The following PRKN variants were observed in gnomAD, a reference collection of about 807,000 sequenced individuals.
PRKN encodes the protein E3 ubiquitin-protein ligase parkin.
PRKN carries 56 observed loss-of-function variants against 59.5 expected under a neutral mutation model. That is an observed-to-expected ratio of 0.94 (90% CI 0.76 to 1.18). PRKN has a LOEUF of 1.18. PRKN is among the 50% of genes most tolerant of loss of function. The pLI, the probability that PRKN is intolerant of heterozygous loss-of-function variation, is 0.00. For missense variants in PRKN, 657 were observed against 596.4 expected (o/e 1.10, Z -1.06); for synonymous variants, 250 against 222.1 (o/e 1.13, Z -1.12).
intron 7 of PRKN, among the ~76,000 whole-genome samples, chr6:161,608,124 T>C (rs1583285947): frequency 1.3e-5 from 2 of 152,318 alleles, no homozygotes; most frequent in Non-Finnish European, 1.5e-5. Flanking sequence ...TGGAGGGTCC[T>C]GACAGCCTCA....
chr6:162,509,821 G>A (rs1016263146), intron 1 of PRKN, among the ~76,000 whole-genome samples: 1 of 152,110 alleles, frequency 6.6e-6, no homozygotes, highest in African/African-American at 2.4e-5. Context: ...GAATTTGAAA[G>A]GCAATTCCCA....
chr6:161,485,684 T>C (rs1356519867), intron 9 of PRKN, among the ~76,000 whole-genome samples: 3 of 152,040 alleles, frequency 2.0e-5, no homozygotes, highest in Non-Finnish European at 4.4e-5. Flanking sequence ...TTGGACAGAT[T>C]CACTTGAGAG....
chr6:162,037,440 T>TACAC (rs1271106462), intron 5 of PRKN, among the ~76,000 whole-genome samples: 1 of 151,396 alleles, frequency 6.6e-6, no homozygotes, highest in South Asian at 2.1e-4. Flanking sequence ...TTTTCATGTG[T>TACAC]ACACACACAC....
At chr6:162,159,710 A>G (rs1354100943) in intron 4 of PRKN, among the ~76,000 whole-genome samples, 2 of 152,238 alleles carry the variant, frequency 1.3e-5, no homozygotes, top group Non-Finnish European at 2.9e-5. Flanking sequence ...GAGTTTTATT[A>G]TAAGTTACAG....
intron 1 of PRKN, among the ~76,000 whole-genome samples, chr6:162,671,010 T>C (rs1048828640): frequency 1.3e-5 from 2 of 152,186 alleles, no homozygotes; most frequent in African/African-American, 4.8e-5. Context: ...CTCTGGAATA[T>C]ATAAAATGGC....
chr6:162,108,597 T>C (rs1780290777), intron 4 of PRKN, among the ~76,000 whole-genome samples: 1 of 152,124 alleles, frequency 6.6e-6, no homozygotes, highest in Non-Finnish European at 1.5e-5. Flanking sequence ...AACTACCATA[T>C]ATGTAATATT....
intron 5 of PRKN, among the ~76,000 whole-genome samples, chr6:162,016,392 T>C (rs1245442290): frequency 2.6e-5 from 4 of 152,214 alleles, no homozygotes; most frequent in Non-Finnish European, 5.9e-5. Flanking sequence ...GGACAAAATA[T>C]CCTCTTTGAA....
At chr6:161,643,735 A>T (rs535092227) in intron 7 of PRKN, among the ~76,000 whole-genome samples, 28 of 152,326 alleles carry the variant, frequency 1.8e-4, no homozygotes, top group Non-Finnish European at 3.2e-4. Context: ...TGAGTTTTAT[A>T]CCATCTATTC....
chr6:162,477,590 CT>C (rs1792084092), intron 1 of PRKN, among the ~76,000 whole-genome samples: 1 of 152,188 alleles, frequency 6.6e-6, no homozygotes. Flanking sequence ...GATGCAAAGT[CT>C]TCAGGTGTTC....
At chr6:162,431,034 G>T (rs1051627436) in intron 2 of PRKN, among the ~76,000 whole-genome samples, 1 of 152,046 alleles carries the variant, frequency 6.6e-6, no homozygotes, top group East Asian at 1.9e-4. Context: ...TCTTCCCAAC[G>T]CCGCCTTCAG....
intron 9 of PRKN, among the ~76,000 whole-genome samples, chr6:161,524,496 C>T (rs1778948414): frequency 6.6e-6 from 1 of 152,258 alleles, no homozygotes; most frequent in African/African-American, 2.4e-5. Context: ...CGGCTGCATG[C>T]CCCTGTGCTC....
Position 162,424,666 on chromosome 6 carries a change from T to C in PRKN, c.171+18644A>G, listed in dbSNP as rs1194083443. On this transcript the variant is annotated intron_variant, in intron 2 of 11. Transcript: ENST00000366898. ...CAGAGAATTGCTTGAACCCGGGAGG[T>C]GGAGGTTGCAGTGAGCCGAGATCAC... is the stretch of plus-strand genomic sequence containing the variant. Among the ~76,000 whole-genome samples, 5 of 142,060 alleles carry C rather than the reference T, an allele frequency of 3.5e-5. No individual in the cohort carries two copies. In the East Asian group the frequency reaches 8.2e-4, roughly 23 times the overall value. 93.2% of individuals were successfully genotyped at this position (142,060 alleles called of 152,430 possible). A position where few individuals can be genotyped will look rare whatever the true frequency, so the allele number is the denominator to read the frequency against.
At chr6:161,364,093 C>T (rs192390492) in intron 10 of PRKN, among the ~76,000 whole-genome samples, 2 of 143,152 alleles carry the variant, frequency 1.4e-5, no homozygotes, top group East Asian at 2.2e-4. Context: ...GGCGTGAACC[C>T]GGGAGGCTGA....
intron 1 of PRKN, among the ~76,000 whole-genome samples, chr6:162,622,080 T>C (rs997718861): frequency 1.3e-5 from 2 of 152,136 alleles, no homozygotes; most frequent in African/African-American, 4.8e-5. Context: ...CACAAAGTGC[T>C]GGGATTACAG....
chr6:161,515,649 T>C (rs190162433), intron 9 of PRKN, among the ~76,000 whole-genome samples: 307 of 152,354 alleles, frequency 2.0e-3, no homozygotes, highest in Middle Eastern at 3.4e-3. Context: ...AAGCATTGAA[T>C]AAATAAAGTT....
intron 8 of PRKN, among the ~76,000 whole-genome samples, chr6:161,558,740 C>T (rs1447694349): frequency 6.6e-6 from 1 of 151,980 alleles, no homozygotes; most frequent in African/African-American, 2.4e-5. Context: ...GTCCCATTTT[C>T]TATACGCATT....
At chr6:162,652,541 G>C (rs1045562843) in intron 1 of PRKN, among the ~76,000 whole-genome samples, 1 of 151,960 alleles carries the variant, frequency 6.6e-6, no homozygotes, top group African/African-American at 2.4e-5. Flanking sequence ...AAATATACCT[G>C]AAGTCAAAGG....
intron 6 of PRKN, among the ~76,000 whole-genome samples, chr6:161,876,806 A>G (rs1224008600): frequency 6.6e-6 from 1 of 152,128 alleles, no homozygotes; most frequent in African/African-American, 2.4e-5. Context: ...TAAGTTTTAT[A>G]GACTAATTGA....
chr6:162,338,977 G>C (rs577491477), intron 2 of PRKN, among the ~76,000 whole-genome samples: 1 of 149,442 alleles, frequency 6.7e-6, no homozygotes, highest in South Asian at 2.1e-4. Flanking sequence ...GTCTCTGCCC[G>C]GCCACCCTGT....
Sources: allele counts gnomAD v4.1 joint callset (sites outside exome capture counted in the v4.1 genomes callset), GRCh38; gene constraint gnomAD v4.1.1; transcripts MANE v1.5; gene names NCBI Gene and HGNC (gene_info 2026-07-23, HGNC 2026-07-21).